MEGF8: variants seen among roughly 807,000 people sequenced by gnomAD.
MEGF8 encodes the protein multiple epidermal growth factor-like domains protein 8.
A neutral mutation model predicts 302.9 loss-of-function variants in MEGF8; 156 were observed. That is an observed-to-expected ratio of 0.52 (90% CI 0.45 to 0.59). The LOEUF is 0.59. Among genes scored for constraint, MEGF8 ranks in the 20% least tolerant of loss-of-function variants. MEGF8 has a pLI of 0.00. For synonymous variants in MEGF8, 1,621 were observed against 1,660.5 expected (o/e 0.98, Z 0.58); for missense variants, 3,345 against 3,964.5 (o/e 0.84, Z 4.20).
intron 8 of MEGF8, among the ~76,000 whole-genome samples, chr19:42,337,772 C>T (rs2039151104): frequency 6.6e-6 from 1 of 151,878 alleles, no homozygotes. Flanking sequence ...TCCCAAAGTG[C>T]TGGGATTACA....
chr19:42,336,053 C>A lies in MEGF8; in HGVS notation c.951C>A (p.His317Gln). The change falls in exon 6 of 42, where the codon CAC becomes CAA. Residue 317 changes from histidine (H) to glutamine (Q), a missense_variant. Transcript: ENST00000251268. The surrounding 1 kb of genome is among the most constrained non-coding windows in gnomAD (Gnocchi z 4.8). Reference sequence around the variant, plus strand: ...CCTTCAGTCCACTGGGCAGGGGCCACTGGGAGCTCCTGGCACCACCTGCCT... The same window carrying A: ...CCTTCAGTCCACTGGGCAGGGGCCAATGGGAGCTCCTGGCACCACCTGCCT... Reference protein sequence around the residue: ...VWAFSPLGRGHWELLAPPASS... With the variant: ...VWAFSPLGRGQWELLAPPASS... The A allele has an allele frequency of 6.3e-7, 1 of 1,583,912 alleles. No individual in the cohort carries two copies. Among genetic ancestry groups the A allele is most frequent in the Non-Finnish European group, 8.6e-7 (1 of 1,168,958 alleles).
chr19:42,353,901 G>T lies in MEGF8; in HGVS notation c.3888G>T (p.Gly1296=). ...CAGGTGGCGGGGCTGCAAGAGCCGGGCCTGGCCTGTCCTACTGTGTGTGGG... is the reference window on the plus strand; with the variant it reads ...CAGGTGGCGGGGCTGCAAGAGCCGGTCCTGGCCTGTCCTACTGTGTGTGGG... The part of the protein sequence containing the change: ...LPPGGGAARA[G]PGLSYCVWVV... The change falls in exon 22 of 42, where the codon GGG becomes GGT. Residue 1296 remains glycine, a synonymous_variant. Transcript: ENST00000251268. This position sits in a 1 kb window ranked among gnomAD's most constrained non-coding sequence, Gnocchi z 6.1. 6.3e-7 allele frequency: 1 copy of T among 1,593,070 alleles called. No individual in the cohort carries two copies. The highest frequency in any genetic ancestry group is 8.5e-7 in the Non-Finnish European group (1 of 1,170,028).
Position 42,351,440 on chromosome 19 carries a change from G to A in MEGF8, c.2867G>A (p.Cys956Tyr). 1 of 1,596,798 alleles carries A rather than the reference G, an allele frequency of 6.3e-7. No individual in the cohort carries two copies. The highest frequency in any genetic ancestry group is 8.5e-7 in the Non-Finnish European group (1 of 1,172,246). Residue 956 changes from cysteine (C) to tyrosine (Y), a missense_variant, in exon 17 of 42, where the codon TGT (cysteine) becomes TAT (tyrosine). Cys to Tyr is a radical substitution (Grantham distance 194). Coordinates refer to ENST00000251268, the MANE Select transcript of MEGF8 (RefSeq NM_001271938.2). This position sits in a 1 kb window ranked among gnomAD's most constrained non-coding sequence, Gnocchi z 5.6. ...CPPLCSQRLT[C>Y]EDCLANSSQC... ...GCTCCCCACCCCAGGCGACTGACCT[G>A]TGAGGACTGCCTGGCCAACTCTAGC... is the stretch of plus-strand genomic sequence containing the variant.
At chr19:42,341,942 A>C (rs1238912846) in intron 8 of MEGF8, among the ~76,000 whole-genome samples, 2 of 152,190 alleles carry the variant, frequency 1.3e-5, no homozygotes, top group African/African-American at 2.4e-5. Flanking sequence ...TGGGCTTCCC[A>C]GAGTCGCATC....
In MEGF8 at chr19:42,354,049, C is replaced by A; in HGVS notation, c.4011+25C>A. The A allele has an allele frequency of 1.3e-6, 2 of 1,578,418 alleles. No individual in the cohort carries two copies. Among genetic ancestry groups the A allele is most frequent in the Non-Finnish European group, 1.7e-6 (2 of 1,163,824 alleles). ...GGTGAGCACTGAGGAAACGAGGGTT[C>A]AGGCGCATGAGCCAGAACCGTGTCC... On this transcript the variant is annotated intron_variant, in intron 22 of 41. Transcript: ENST00000251268. This position sits in a 1 kb window ranked among gnomAD's most constrained non-coding sequence, Gnocchi z 4.3.
Position 42,356,975 on chromosome 19 carries a change from G to A in MEGF8, c.4824G>A (p.Gln1608=). The change falls in exon 27 of 42, where the codon CAG becomes CAA. Residue 1608 remains glutamine, a synonymous_variant. Coordinates refer to ENST00000251268, the MANE Select transcript of MEGF8 (RefSeq NM_001271938.2). The surrounding 1 kb of genome is among the most constrained non-coding windows in gnomAD (Gnocchi z 5.2). ...VLNLTTLQWR[Q]EKAPQTVELP... ...ACCTCACCACCCTGCAATGGCGGCA[G>A]GAGAAGGTGAGCATCTCTCCCCAGC... is the stretch of plus-strand genomic sequence containing the variant. The A allele has an allele frequency of 6.3e-7, 1 of 1,597,118 alleles. No homozygotes were observed. The highest frequency in any genetic ancestry group is 1.1e-5 in the South Asian group (1 of 87,804).
intron 15 of MEGF8, among the ~76,000 whole-genome samples, chr19:42,350,827 C>G (rs952302818): frequency 3.9e-5 from 6 of 152,284 alleles, no homozygotes; most frequent in East Asian, 1.9e-4. Flanking sequence ...TCTCTCCCCC[C>G]ACCCCACCAC....
intron 31 of MEGF8, among the ~76,000 whole-genome samples, chr19:42,360,508 G>T (rs760685258): frequency 2.6e-5 from 4 of 151,974 alleles, no homozygotes; most frequent in Non-Finnish European, 5.9e-5. Context: ...ACCATGCCCA[G>T]CTAATTTTTT....
At position 42,377,154 on chromosome 19, in the gene MEGF8, C is replaced by G. The variant is rs775990752; in HGVS notation, c.*379C>G. ...TCAGAGAGGGAGAAGCACTGTGAGG[C>G]CTCCAGAGGATGTGGCAGTGAGGGA... On this transcript the variant is annotated 3_prime_UTR_variant, in exon 42 of 42. Coordinates refer to ENST00000251268, the MANE Select transcript of MEGF8 (RefSeq NM_001271938.2). The G allele has an allele frequency of 4.9e-6, 1 of 204,024 alleles. No homozygotes were observed. 12.6% of individuals were successfully genotyped at this position (204,024 alleles called of 1,614,324 possible).
At position 42,376,889 on chromosome 19, in the gene MEGF8, C is replaced by T; in HGVS notation, c.*114C>T. 1 of 1,234,280 alleles carries T rather than the reference C, an allele frequency of 8.1e-7. No homozygotes were observed. The allele number at this position is 1,234,280 out of a possible 1,614,324, so 76.5% of individuals were successfully genotyped here. A position where few individuals can be genotyped will look rare whatever the true frequency, so the allele number is the denominator to read the frequency against. ...CTGTCTACTTGGAGACCACTGGCCC[C>T]CTTCCCCCAGGGTTGCCCAGATGGG... On this transcript the variant is annotated 3_prime_UTR_variant, in exon 42 of 42. Coordinates refer to ENST00000251268, the MANE Select transcript of MEGF8 (RefSeq NM_001271938.2). This position sits in a 1 kb window ranked among gnomAD's most constrained non-coding sequence, Gnocchi z 8.2.
At chr19:42,346,802 G>A (rs561222236) in intron 12 of MEGF8, among the ~76,000 whole-genome samples, 2 of 152,142 alleles carry the variant, frequency 1.3e-5, no homozygotes, top group Non-Finnish European at 2.9e-5. Flanking sequence ...GGCTAACACA[G>A]TGAAGCCCTG....
rs1324716237 is a variant in MEGF8 at position 42,353,240 on chromosome 19, G to A, written c.3550+113G>A. The A allele has an allele frequency of 3.6e-6, 4 of 1,113,040 alleles. No individual in the cohort carries two copies. The highest frequency in any genetic ancestry group is 5.0e-6 in the Non-Finnish European group (4 of 795,948). The allele number at this position is 1,113,040 out of a possible 1,614,324, so 68.9% of individuals were successfully genotyped here. On this transcript the variant is annotated intron_variant, in intron 20 of 41. Transcript: ENST00000251268. This position sits in a 1 kb window ranked among gnomAD's most constrained non-coding sequence, Gnocchi z 6.1. ...TCAGTGTCCTCTCATGCAGCTCTAG[G>A]TCCCCTGCCCCATTCCTGTTCCTGA...
In MEGF8 at chr19:42,334,115, C is replaced by A; in HGVS notation, c.460C>A (p.Pro154Thr). Residue 154 changes from proline (P) to threonine (T), a missense_variant, in exon 3 of 42, where the codon CCA (proline) becomes ACA (threonine). Transcript: ENST00000251268. Reference protein sequence around the residue: ...GGCQSHGQCQPPGVCACEPGW... With the variant: ...GGCQSHGQCQTPGVCACEPGW... Reference sequence around the variant, plus strand: ...CTGCCAGAGCCACGGGCAGTGCCAGCCACCGGGTGTGTGTGCCTGCGAGCC... The same window carrying A: ...CTGCCAGAGCCACGGGCAGTGCCAGACACCGGGTGTGTGTGCCTGCGAGCC... 1.2e-6 allele frequency: 2 copies of A among 1,612,994 alleles called. No homozygotes were observed. Among genetic ancestry groups the A allele is most frequent in the Non-Finnish European group, 1.7e-6 (2 of 1,179,810 alleles).
chr19:42,336,955 G>T lies in MEGF8; in HGVS notation c.1390+3G>T. 1 of 1,613,812 alleles carries T rather than the reference G, an allele frequency of 6.2e-7. No individual in the cohort carries two copies. The highest frequency in any genetic ancestry group is 8.5e-7 in the Non-Finnish European group (1 of 1,179,812). On this transcript the variant is annotated splice_donor_region_variant and intron_variant, in intron 7 of 41. Transcript: ENST00000251268. The surrounding 1 kb of genome is among the most constrained non-coding windows in gnomAD (Gnocchi z 4.8). ...GGGCAATTACATGGTGGTCTATGGT[G>T]AGGAGGCTCCCCAATCCTGCCTGCC...
At position 42,335,114 on chromosome 19, in the gene MEGF8, G is replaced by C. The variant is rs374831922; in HGVS notation, c.638G>C (p.Gly213Ala). ...CACCTGTGGGAGAACCAGGGGGCTG[G>C]GTGGTGGCACAACGTGAGTGCCAGG... ...DLHLWENQGA[G>A]WWHNVSARDP... Residue 213 changes from glycine (G) to alanine (A), a missense_variant, in exon 4 of 42, where the codon GGG (glycine) becomes GCG (alanine). Coordinates refer to ENST00000251268, the MANE Select transcript of MEGF8 (RefSeq NM_001271938.2). The C allele has an allele frequency of 2.0e-5, 32 of 1,613,830 alleles. No individual in the cohort carries two copies. In the African/African-American group the frequency reaches 4.3e-4, roughly 22 times the overall value.
Position 42,356,793 on chromosome 19 carries a change from C to T in MEGF8, c.4642C>T (p.Arg1548Trp), listed in dbSNP as rs763033925. ...NLYRYSVSER[R>W]WTQMLAGAED... is the part of the protein sequence containing the mutation. Reference sequence around the variant, plus strand: ...CCCCAGGTACTCAGTGAGTGAGCGGCGGTGGACACAGATGCTGGCGGGAGC... The same window carrying T: ...CCCCAGGTACTCAGTGAGTGAGCGGTGGTGGACACAGATGCTGGCGGGAGC... The change falls in exon 27 of 42, where the codon CGG (arginine) becomes TGG (tryptophan). Residue 1548 changes from arginine (R) to tryptophan (W), a missense_variant. Coordinates refer to ENST00000251268, the MANE Select transcript of MEGF8 (RefSeq NM_001271938.2). The surrounding 1 kb of genome is among the most constrained non-coding windows in gnomAD (Gnocchi z 5.2). 4.5e-6 allele frequency: 7 copies of T among 1,553,020 alleles called. No homozygotes were observed. The highest frequency in any genetic ancestry group is 1.2e-5 in the South Asian group (1 of 84,168).
chr19:42,353,934 G>A lies in MEGF8; in HGVS notation c.3921G>A (p.Ser1307=), dbSNP rs1341964862. The A allele has an allele frequency of 3.8e-6, 6 of 1,586,412 alleles. No individual in the cohort carries two copies. The African/African-American group carries it at 4.0e-5, about 11-fold the overall frequency. ...PGLSYCVWVV[S]ATEELQPCAP... ...TGTCCTACTGTGTGTGGGTTGTCTCGGCCACTGAGGAGCTACAGCCCTGTG... is the reference window on the plus strand; with the variant it reads ...TGTCCTACTGTGTGTGGGTTGTCTCAGCCACTGAGGAGCTACAGCCCTGTG... Residue 1307 remains serine (S), a synonymous_variant, in exon 22 of 42, where the codon TCG becomes TCA. Transcript: ENST00000251268. This position sits in a 1 kb window ranked among gnomAD's most constrained non-coding sequence, Gnocchi z 6.1.
At position 42,344,649 on chromosome 19, in the gene MEGF8, C is replaced by A; in HGVS notation, c.1934-21C>A. On this transcript the variant is annotated intron_variant, in intron 11 of 41. Transcript: ENST00000251268. The surrounding 1 kb of genome is among the most constrained non-coding windows in gnomAD (Gnocchi z 4.5). ...GAGCACTCCACACTGACCCACCGGC[C>A]CCCACCCCCTGTCTTCTCAGAGCAG... 2 of 1,561,438 alleles carry A rather than the reference C, an allele frequency of 1.3e-6. No homozygotes were observed. Among genetic ancestry groups the A allele is most frequent in the Middle Eastern group, 1.8e-4 (1 of 5,652 alleles).
intron 41 of MEGF8, among the ~76,000 whole-genome samples, chr19:42,373,558 A>G (rs1600079640): frequency 6.7e-6 from 1 of 148,240 alleles, no homozygotes; most frequent in Admixed American, 6.7e-5. Context: ...GTGCTATCAT[A>G]CCTGGCTAAT....
Sources: gnomAD v4.1 joint callset for allele counts (sites outside exome capture counted in the v4.1 genomes callset) on GRCh38, gnomAD v4.1.1 for gene constraint, Gnocchi (gnomAD v3.1) non-coding constraint, MANE v1.5 for transcripts, NCBI Gene and HGNC (gene_info 2026-07-23, HGNC 2026-07-21) for gene names.